Variants in TBC1D5 observed in about 807,000 individuals in gnomAD.
The protein encoded by TBC1D5 is TBC1 domain family, member 5.
In TBC1D5, 75 loss-of-function variants were observed where a neutral mutation model predicts 100.3. The ratio of observed to expected loss-of-function variants is 0.75; its 90% confidence interval spans 0.62 to 0.91. The LOEUF (loss-of-function observed/expected upper bound fraction) is 0.91, where lower values mean the gene tolerates loss of function less well. Among genes scored for constraint, TBC1D5 ranks in the 40% least tolerant of loss-of-function variants. TBC1D5 has a pLI of 0.00. For missense variants in TBC1D5, 910 were observed against 942.4 expected (o/e 0.97, Z 0.45); for synonymous variants, 323 against 325.6 (o/e 0.99, Z 0.09).
chr3:17,210,230 C>T (rs1350790498), intron 18 of TBC1D5, among the ~76,000 whole-genome samples: 1 of 151,712 alleles, frequency 6.6e-6, no homozygotes, highest in Non-Finnish European at 1.5e-5. Context: ...CTCTGTCGCC[C>T]AGGCCTGAGT....
chr3:17,602,561 A>ATTTTTTTTTTTTTTTTTT lies in TBC1D5; in HGVS notation c.-36+21270_-36+21287dup, dbSNP rs33956978. On this transcript the variant is annotated intron_variant, in intron 2 of 21. Coordinates refer to ENST00000253692, the Ensembl canonical transcript of TBC1D5. ...TTATGCCATAATACGAGAGAATCAGATTTTTTTTTTTTTTTTTTTTTTTTT... is the reference window on the plus strand; with the variant it reads ...TTATGCCATAATACGAGAGAATCAGATTTTTTTTTTTTTTTTTTTTTTTTTTTTTTTTTTTTTTTTTTT... 1.5e-4 allele frequency among the ~76,000 whole-genome samples: 11 copies of ATTTTTTTTTTTTTTTTTT among 74,516 alleles called. 1 individual carries two copies. The highest frequency in any genetic ancestry group is 2.5e-4 in the Non-Finnish European group (10 of 40,414). 48.9% of individuals were successfully genotyped at this position (74,516 alleles called of 152,430 possible).
At chr3:17,410,318 T>C (rs2093889005) in intron 4 of TBC1D5, among the ~76,000 whole-genome samples, 1 of 152,150 alleles carries the variant, frequency 6.6e-6, no homozygotes, top group Non-Finnish European at 1.5e-5. Context: ...TTCAAAATAT[T>C]ATTGTTCACT....
intron 3 of TBC1D5, among the ~76,000 whole-genome samples, chr3:17,450,403 A>G (rs1194535975): frequency 6.6e-6 from 1 of 152,202 alleles, no homozygotes; most frequent in East Asian, 1.9e-4. Flanking sequence ...TTACAGAAGT[A>G]GGCTTCAGAA....
intron 1 of TBC1D5, among the ~76,000 whole-genome samples, chr3:17,631,059 A>AAAG (rs377565906): frequency 0.017 from 2,300 of 133,344 alleles, 115 homozygotes; most frequent in Non-Finnish European, 0.024. Context: ...AAAAAAAAAA[A>AAAG]AAAGTTAGGC....
intron 17 of TBC1D5, among the ~76,000 whole-genome samples, chr3:17,228,568 C>G (rs2075130187): frequency 6.6e-6 from 1 of 152,120 alleles, no homozygotes. Flanking sequence ...CTAACTGGCA[C>G]TAAGTATAGA....
At chr3:17,401,934 G>C (rs1163835820) in intron 8 of TBC1D5, among the ~76,000 whole-genome samples, 1 of 151,926 alleles carries the variant, frequency 6.6e-6, no homozygotes, top group African/African-American at 2.4e-5. Context: ...TAATACAATG[G>C]TGCTCTACTT....
intron 1 of TBC1D5, among the ~76,000 whole-genome samples, chr3:17,659,390 C>T (rs1438443965): frequency 6.6e-6 from 1 of 151,468 alleles, no homozygotes; most frequent in East Asian, 1.9e-4. Context: ...CAGAGATAAC[C>T]ATCTAGGAAG....
At chr3:17,638,136 TCTTATTTTTTAACAGCTATA>T (rs1365058720) in intron 1 of TBC1D5, among the ~76,000 whole-genome samples, 5 of 152,136 alleles carry the variant, frequency 3.3e-5, no homozygotes, top group Non-Finnish European at 7.4e-5. Flanking sequence ...GGCTCATGCA[TCTTATTTTTTAACAGCTATA>T]CTGAAACATA....
At chr3:17,579,408 G>T (rs2096678432) in intron 2 of TBC1D5, among the ~76,000 whole-genome samples, 1 of 151,912 alleles carries the variant, frequency 6.6e-6, no homozygotes, top group Non-Finnish European at 1.5e-5. Flanking sequence ...CTTCCAATTT[G>T]TCAATCTTCC....
chr3:17,333,071 AG>A (rs1427486488), intron 13 of TBC1D5: 1 of 152,302 alleles, frequency 6.6e-6, no homozygotes, highest in Admixed American at 6.5e-5. Flanking sequence ...AATACAGTAC[AG>A]GGGTGGGTGG....
intron 13 of TBC1D5, among the ~76,000 whole-genome samples, chr3:17,331,227 C>T (rs1379916823): frequency 6.6e-6 from 1 of 152,136 alleles, no homozygotes; most frequent in Non-Finnish European, 1.5e-5. Context: ...ATCTCCTTAC[C>T]AACTTTCCAA....
At chr3:17,371,767 T>G (rs891633468) in intron 13 of TBC1D5, among the ~76,000 whole-genome samples, 3 of 152,190 alleles carry the variant, frequency 2.0e-5, no homozygotes. Context: ...ATTGAAACTT[T>G]AGGCTGGGTG....
intron 8 of TBC1D5, among the ~76,000 whole-genome samples, chr3:17,387,535 A>G (rs1418094699): frequency 5.3e-5 from 8 of 152,090 alleles, no homozygotes; most frequent in Admixed American, 1.3e-4. Context: ...ATTTATAGGT[A>G]TAAGAAATGT....
At chr3:17,158,164 A>T (rs1193177277) in exon 22 of TBC1D5, 1 of 152,240 alleles carries the variant, frequency 6.6e-6, no homozygotes, top group Non-Finnish European at 1.5e-5. Context: ...TAATGTACAA[A>T]GCTAAATTTT....
At chr3:17,437,707 G>A (rs538021796) in intron 3 of TBC1D5, among the ~76,000 whole-genome samples, 70 of 139,728 alleles carry the variant, frequency 5.0e-4, no homozygotes, top group Middle Eastern at 3.6e-3. Context: ...AAAGAAAGTA[G>A]CGGGGGAAGT....
chr3:17,471,793 C>T (rs1302563836), intron 3 of TBC1D5, among the ~76,000 whole-genome samples: 1 of 151,398 alleles, frequency 6.6e-6, no homozygotes, highest in Middle Eastern at 3.4e-3. Flanking sequence ...GTTTTTCAAC[C>T]TGAGGAAAAT....
chr3:17,593,753 C>T (rs887898603), intron 2 of TBC1D5, among the ~76,000 whole-genome samples: 1 of 152,176 alleles, frequency 6.6e-6, no homozygotes, highest in African/African-American at 2.4e-5. Context: ...TTCCTATGTT[C>T]CCCATCATCC....
At chr3:17,357,384 A>ACAAAAGAGTGGGAGTGAAAAGT (rs894749235) in intron 13 of TBC1D5, among the ~76,000 whole-genome samples, 2 of 152,212 alleles carry the variant, frequency 1.3e-5, no homozygotes, top group Admixed American at 6.5e-5. Context: ...TGCATTTTCC[A>ACAAAAGAGTGGGAGTGAAAAGT]CAAAAGAGTG....
chr3:17,332,290 T>A (rs1695867532), intron 13 of TBC1D5, among the ~76,000 whole-genome samples: 1 of 152,156 alleles, frequency 6.6e-6, no homozygotes, highest in South Asian at 2.1e-4. Context: ...TTCCTAAGTT[T>A]CAGGTGGGCA....
Sources: gnomAD v4.1 joint callset for allele counts (sites outside exome capture counted in the v4.1 genomes callset) on GRCh38, gnomAD v4.1.1 for gene constraint, MANE v1.5 for transcripts, NCBI Gene and HGNC (gene_info 2026-07-23, HGNC 2026-07-21) for gene names.